RAPGEF6: variants seen among roughly 807,000 people sequenced by gnomAD.
RAPGEF6 encodes the protein Rap guanine nucleotide exchange factor 6.
Under a neutral mutation model 171.4 loss-of-function variants are expected in RAPGEF6, and 56 were observed. That is an observed-to-expected ratio of 0.33 (90% CI 0.26 to 0.41). RAPGEF6 has a LOEUF of 0.41. RAPGEF6 is among the 10% of genes least tolerant of loss of function. The pLI is 1.00. For missense variants in RAPGEF6, 1,674 were observed against 1,921.4 expected, an observed-to-expected ratio of 0.87 and a Z score of 2.41; for synonymous variants, 692 against 650.1, an observed-to-expected ratio of 1.06 and a Z score of -0.98.
intron 6 of RAPGEF6, among the ~76,000 whole-genome samples, chr5:131,523,875 G>C (rs981914635): frequency 6.6e-6 from 1 of 152,000 alleles, no homozygotes; most frequent in African/African-American, 2.4e-5. Context: ...TGTGGCAGGG[G>C]GTGAGGTGGA....
chr5:131,628,768 G>A (rs1766105237), intron 1 of RAPGEF6, among the ~76,000 whole-genome samples: 1 of 152,000 alleles, frequency 6.6e-6, no homozygotes, highest in Admixed American at 6.6e-5. Flanking sequence ...AAAACCCTAA[G>A]GCCCTTAAGA....
At chr5:131,453,991 A>G (rs1268140950) in intron 20 of RAPGEF6, among the ~76,000 whole-genome samples, 2 of 152,234 alleles carry the variant, frequency 1.3e-5, no homozygotes, top group Admixed American at 1.3e-4. Flanking sequence ...TGAGATCAGA[A>G]AAGCTGGACA....
chr5:131,445,378 T>C (rs1302183029), intron 22 of RAPGEF6, among the ~76,000 whole-genome samples: 2 of 152,188 alleles, frequency 1.3e-5, no homozygotes, highest in Non-Finnish European at 2.9e-5. Context: ...ACTATGCAAA[T>C]ACCATATCAT....
intron 5 of RAPGEF6, among the ~76,000 whole-genome samples, chr5:131,552,461 CTT>C (rs200660234): frequency 1.5e-4 from 22 of 141,940 alleles, no homozygotes; most frequent in Admixed American, 2.1e-4. Flanking sequence ...AAAAATGCAA[CTT>C]TTTTTTTTTT....
chr5:131,481,674 T>C (rs562805624), intron 15 of RAPGEF6, among the ~76,000 whole-genome samples: 2 of 152,308 alleles, frequency 1.3e-5, no homozygotes, highest in East Asian at 3.9e-4. Context: ...CTACATCTCC[T>C]TGGGATAAAG....
chr5:131,432,958 G>T lies in RAPGEF6; in HGVS notation c.3974+472C>A, dbSNP rs1751799091. ...GCTTGATTCTAAATAGAAATTTAGA[G>T]TTGATTTTTTTTTTTAATTAACCTT... On this transcript the variant is annotated intron_variant, in intron 25 of 27. Coordinates refer to ENST00000509018, the MANE Select transcript of RAPGEF6 (RefSeq NM_016340.6). Among the ~76,000 whole-genome samples, 3 of 152,112 alleles carry T rather than the reference G, an allele frequency of 2.0e-5. No individual in the cohort carries two copies. The South Asian group carries it at 6.2e-4, about 32-fold the overall frequency.
chr5:131,425,747 A>T lies in RAPGEF6; in HGVS notation c.*1519T>A, dbSNP rs572135041. On this transcript the variant is annotated 3_prime_UTR_variant, in exon 28 of 28. Coordinates refer to ENST00000509018, the MANE Select transcript of RAPGEF6 (RefSeq NM_016340.6). ...ATGCAGGAAGACAGACAGCAGAGAC[A>T]GCTAGGGAAAGACAACACATTTCTA... The T allele has an allele frequency of 2.0e-5, 3 of 152,450 alleles. No homozygotes were observed. The South Asian group carries it at 6.2e-4, about 32-fold the overall frequency. 9.4% of individuals were successfully genotyped at this position (152,450 alleles called of 1,614,324 possible).
chr5:131,503,201 G>A (rs968083451), intron 11 of RAPGEF6, among the ~76,000 whole-genome samples: 1 of 152,124 alleles, frequency 6.6e-6, no homozygotes, highest in Non-Finnish European at 1.5e-5. Context: ...TACACAATAA[G>A]ATATTTAGGA....
chr5:131,496,862 CTAGGAT>C (rs1012111106), intron 12 of RAPGEF6, among the ~76,000 whole-genome samples: 15 of 151,894 alleles, frequency 9.9e-5, no homozygotes, highest in Admixed American at 2.0e-4. Flanking sequence ...GGGTATTTAC[CTAGGAT>C]TAGAATTGCT....
chr5:131,572,465 C>T (rs951409784), intron 4 of RAPGEF6, among the ~76,000 whole-genome samples: 4 of 152,174 alleles, frequency 2.6e-5, no homozygotes, highest in Admixed American at 6.5e-5. Context: ...ACTCTGACGT[C>T]GGTTACTGAC....
At chr5:131,528,260 AATAAT>A (rs1315346157) in intron 6 of RAPGEF6, among the ~76,000 whole-genome samples, 375 of 130,090 alleles carry the variant, frequency 2.9e-3, no homozygotes, top group African/African-American at 9.9e-3. Flanking sequence ...AATAAAATAA[AATAAT>A]ATATTTATAT....
intron 3 of RAPGEF6, among the ~76,000 whole-genome samples, chr5:131,600,772 C>G (rs2150012213): frequency 6.6e-6 from 1 of 152,140 alleles, no homozygotes; most frequent in African/African-American, 2.4e-5. Context: ...AAGTAAAACT[C>G]AATTCCAAGA....
At chr5:131,594,922 G>T (rs899228225) in intron 3 of RAPGEF6, among the ~76,000 whole-genome samples, 1 of 147,920 alleles carries the variant, frequency 6.8e-6, no homozygotes, top group Non-Finnish European at 1.5e-5. Flanking sequence ...ACTTGTTTTT[G>T]ATTTTACAGG....
At position 131,472,366 on chromosome 5, in the gene RAPGEF6, T is replaced by C. The variant is rs139351227; in HGVS notation, c.2239+221A>G. The C allele has an allele frequency of 8.3e-4, 503 of 608,486 alleles. 5 individuals are homozygous for C. The African/African-American group carries it at 8.5e-3, about 10-fold the overall frequency. 37.7% of individuals were successfully genotyped at this position (608,486 alleles called of 1,614,324 possible). ...GATTACAGGCGTGAGCCACTGCGCC[T>C]GGCCAGAGGTAGTCTCTTTTTTATG... is the stretch of plus-strand genomic sequence containing the variant. On this transcript the variant is annotated intron_variant, in intron 17 of 27. Transcript: ENST00000509018.
chr5:131,484,983 G>C (rs1755778587), intron 15 of RAPGEF6, among the ~76,000 whole-genome samples: 1 of 152,156 alleles, frequency 6.6e-6, no homozygotes, highest in African/African-American at 2.4e-5. Context: ...ATGGAGTGCA[G>C]GGACACAATC....
At chr5:131,563,977 A>G (rs1761768584) in intron 4 of RAPGEF6, among the ~76,000 whole-genome samples, 1 of 152,212 alleles carries the variant, frequency 6.6e-6, no homozygotes, top group East Asian at 1.9e-4. Flanking sequence ...ACAAAACAAA[A>G]TATATAAAAC....
intron 23 of RAPGEF6, among the ~76,000 whole-genome samples, chr5:131,442,065 C>T (rs1327435492): frequency 6.6e-6 from 1 of 152,180 alleles, no homozygotes; most frequent in East Asian, 1.9e-4. Context: ...ATTAAATACA[C>T]CTCTGAATGC....
chr5:131,433,501 A>T lies in RAPGEF6; in HGVS notation c.3903T>A (p.Pro1301=), dbSNP rs1561460430. 4 of 1,613,880 alleles carry T rather than the reference A, an allele frequency of 2.5e-6. No individual in the cohort carries two copies. The highest frequency in any genetic ancestry group is 3.4e-6 in the Non-Finnish European group (4 of 1,179,890). Residue 1301 remains proline, a synonymous_variant, in exon 25 of 28, where the codon CCT becomes CCA. Coordinates refer to ENST00000509018, the MANE Select transcript of RAPGEF6 (RefSeq NM_016340.6). ...TCTTTTCCAATGCCCCAGTGGATTC[A>T]GGGACTGCCAGGGCCTGAGAGGAAC... ...ERCSSQALAV[P]ESTGALEKTE...
Position 131,439,670 on chromosome 5 carries a change from C to G in RAPGEF6, c.3656G>C (p.Ser1219Thr). The G allele has an allele frequency of 6.2e-7, 1 of 1,612,608 alleles. No individual in the cohort carries two copies. Among genetic ancestry groups the G allele is most frequent in the Non-Finnish European group, 8.5e-7 (1 of 1,179,498 alleles). ...AGTGTCTTCTGTATGCTTCTTACCA[C>G]TTATTTCTTCAGTTGTTCCTAAAAC... ...QKVLGTTEEI[S>T]GKKHTEDTIS... Residue 1219 changes from serine (S) to threonine (T), a missense_variant, in exon 24 of 28, where the codon AGT becomes ACT. By Grantham distance (58) the Ser-to-Thr change is moderately conservative (BLOSUM62 1). Coordinates refer to ENST00000509018, the MANE Select transcript of RAPGEF6 (RefSeq NM_016340.6).
Sources: allele counts gnomAD v4.1 joint callset (sites outside exome capture counted in the v4.1 genomes callset), GRCh38; gene constraint gnomAD v4.1.1; transcripts MANE v1.5; gene names NCBI Gene and HGNC (gene_info 2026-07-23, HGNC 2026-07-21).